EARS2: variants seen among roughly 807,000 people sequenced by gnomAD.
EARS2 encodes nondiscriminating glutamyl-tRNA synthetase EARS2, mitochondrial.
EARS2 carries 50 observed loss-of-function variants against 54.1 expected under a neutral mutation model. The ratio of observed to expected loss-of-function variants is 0.92; its 90% confidence interval spans 0.74 to 1.17. EARS2 has a LOEUF of 1.17. Ranked by LOEUF, EARS2 falls within the 50% of genes most tolerant of loss-of-function variation. EARS2 has a pLI of 0.00. For missense variants in EARS2, 673 were observed against 675.0 expected (o/e 1.00, Z 0.03); for synonymous variants, 298 against 281.0 (o/e 1.06, Z -0.61).
chr16:23,527,019 G>A (rs1965240363), intron 7 of EARS2, among the ~76,000 whole-genome samples: 2 of 152,026 alleles, frequency 1.3e-5, no homozygotes, highest in African/African-American at 2.4e-5. Flanking sequence ...CTGGAATGCA[G>A]TGGTGCAATC....
chr16:23,529,911 C>G lies in EARS2; in HGVS notation c.1068-14G>C, dbSNP rs1965296568. On this transcript the variant is annotated splice_polypyrimidine_tract_variant and intron_variant, in intron 5 of 8. Coordinates refer to ENST00000449606, the MANE Select transcript of EARS2 (RefSeq NM_001083614.2). Reference sequence around the variant, plus strand: ...TGGAGGTGCAGTCTGCGGAAGAAATCAAGGGGCTGCCCTGCTGTCAACACC... The same window carrying G: ...TGGAGGTGCAGTCTGCGGAAGAAATGAAGGGGCTGCCCTGCTGTCAACACC... 6.2e-7 allele frequency: 1 copy of G among 1,613,396 alleles called. No individual in the cohort carries two copies. Among genetic ancestry groups the G allele is most frequent in the South Asian group, 1.1e-5 (1 of 91,036 alleles).
chr16:23,531,045 C>T (rs1321354367), intron 5 of EARS2, among the ~76,000 whole-genome samples: 1 of 150,830 alleles, frequency 6.6e-6, no homozygotes, highest in Admixed American at 6.6e-5. Context: ...GCGCCCGCCA[C>T]GTCGGGCTGA....
chr16:23,551,050 T>C (rs1965686971), intron 2 of EARS2, among the ~76,000 whole-genome samples: 1 of 152,190 alleles, frequency 6.6e-6, no homozygotes, highest in Non-Finnish European at 1.5e-5. Context: ...TACAACATGG[T>C]TAAAAAAAAT....
In EARS2 at chr16:23,531,329, CG is replaced by C. The variant is rs557472957; in HGVS notation, c.1067+1327del. On this transcript the variant is annotated intron_variant, in intron 5 of 8. Transcript: ENST00000449606. ...AGGCTGGAGTGCAGTGGAGCGATCT[CG>C]GCTCACTGCAAGCTCCGCCTCCTGG... Among the ~76,000 whole-genome samples the C allele has an allele frequency of 1.2e-4, 18 of 151,902 alleles. No homozygotes were observed. The East Asian group carries it at 3.3e-3, about 28-fold the overall frequency.
intron 3 of EARS2, among the ~76,000 whole-genome samples, chr16:23,537,784 CTTTTT>C (rs1263730948): frequency 2.0e-5 from 3 of 146,680 alleles, no homozygotes; most frequent in Non-Finnish European, 4.5e-5. Flanking sequence ...CTTTTCTTTT[CTTTTT>C]CTTTCTTTTT....
At chr16:23,552,998 T>C in intron 1 of EARS2, 1 of 360,778 alleles carries the variant, frequency 2.8e-6, no homozygotes, top group Non-Finnish European at 5.5e-6. Context: ...TAGCTGGGCA[T>C]GGTGGTACAT....
chr16:23,524,464 A>C lies in EARS2; in HGVS notation c.1489-10T>G. 1 of 1,613,052 alleles carries C rather than the reference A, an allele frequency of 6.2e-7. No homozygotes were observed. The highest frequency in any genetic ancestry group is 1.1e-5 in the South Asian group (1 of 91,066). On this transcript the variant is annotated splice_polypyrimidine_tract_variant and intron_variant, in intron 8 of 8. Transcript: ENST00000449606. ...CTACAGGAGGTCCTTGCTAAGAACA[A>C]AAAGAGCAAATATTGCCTTACTACC...
intron 8 of EARS2, among the ~76,000 whole-genome samples, 171 bp from the exon 9 acceptor site, chr16:23,524,625 G>C (rs1302863973): frequency 1.4e-5 from 2 of 147,304 alleles, no homozygotes; most frequent in African/African-American, 5.0e-5. Context: ...CTAAGAGCCT[G>C]TTTCTCCTCC....
At chr16:23,533,587 A>AG (rs756258616) in intron 4 of EARS2, among the ~76,000 whole-genome samples, 2 of 152,256 alleles carry the variant, frequency 1.3e-5, no homozygotes, top group Non-Finnish European at 1.5e-5. Flanking sequence ...CCATCATTAA[A>AG]GAAAAAAAGG....
In EARS2 at chr16:23,535,261, C is replaced by T. The variant is rs1344535278; in HGVS notation, c.585G>A (p.Val195=). The T allele has an allele frequency of 2.5e-6, 4 of 1,611,124 alleles. No individual in the cohort carries two copies. Among genetic ancestry groups the T allele is most frequent in the Admixed American group, 3.3e-5 (2 of 59,998 alleles). Residue 195 remains valine (V), a synonymous_variant, in exon 4 of 9, where the codon GTG becomes GTA. Transcript: ENST00000449606. ...CATAGACCAGGTCCTGGAAGGCTGG[C>T]ACCACCTGCTCCAGGCGGAAGCGGA... ...PAIRFRLEQV[V]PAFQDLVYGW... is the part of the protein sequence containing the mutation.
intron 1 of EARS2, chr16:23,556,841 G>A: frequency 2.0e-6 from 1 of 510,018 alleles, no homozygotes; most frequent in Non-Finnish European, 3.7e-6. Flanking sequence ...TTTTATAAGT[G>A]TCTGCGGCAG....
At chr16:23,549,878 A>T (rs2142192412) in intron 2 of EARS2, among the ~76,000 whole-genome samples, 1 of 152,200 alleles carries the variant, frequency 6.6e-6, no homozygotes, top group Admixed American at 6.5e-5. Context: ...TGCATTGGCT[A>T]TTCTTTTTGC....
chr16:23,552,677 G>A lies in EARS2; in HGVS notation c.140-373C>T, dbSNP rs188058655. Among the ~76,000 whole-genome samples the A allele has an allele frequency of 2.6e-5, 4 of 152,344 alleles. No homozygotes were observed. The East Asian group carries it at 5.8e-4, about 22-fold the overall frequency. On this transcript the variant is annotated intron_variant, in intron 1 of 8. Transcript: ENST00000449606. ...GCTACATGTTTGTATTTTTGGTAGA[G>A]ACAGGCATTCGCCATGTTGGCAAGG...
chr16:23,538,802 G>T (rs942921886), intron 3 of EARS2, among the ~76,000 whole-genome samples: 1 of 152,024 alleles, frequency 6.6e-6, no homozygotes, highest in Admixed American at 6.6e-5. Context: ...CAAGGCTGTG[G>T]TGAGTCATGA....
At chr16:23,536,343 G>A (rs1313537103) in intron 3 of EARS2, among the ~76,000 whole-genome samples, 5 of 152,170 alleles carry the variant, frequency 3.3e-5, no homozygotes, top group African/African-American at 7.2e-5. Context: ...AGTTGCTCAC[G>A]TCTGTAATCC....
intron 1 of EARS2, chr16:23,556,883 C>T: frequency 3.4e-6 from 2 of 590,372 alleles, no homozygotes; most frequent in Admixed American, 2.1e-5. Context: ...CAGAGCAAGG[C>T]CCCTACCTTT....
At chr16:23,550,379 A>G (rs1965674028) in intron 2 of EARS2, among the ~76,000 whole-genome samples, 1 of 151,746 alleles carries the variant, frequency 6.6e-6, no homozygotes, top group Non-Finnish European at 1.5e-5. Context: ...AAAAAAAAAA[A>G]AAAAGAAATA....
intron 2 of EARS2, among the ~76,000 whole-genome samples, chr16:23,549,312 C>G (rs887172868): frequency 6.6e-6 from 1 of 152,132 alleles, no homozygotes; most frequent in Admixed American, 6.6e-5. Flanking sequence ...GATGCCAGCA[C>G]CCAACACAGA....
At chr16:23,549,652 C>A (rs1965661217) in intron 2 of EARS2, among the ~76,000 whole-genome samples, 1 of 152,142 alleles carries the variant, frequency 6.6e-6, no homozygotes, top group Non-Finnish European at 1.5e-5. Context: ...GATGAGGTCT[C>A]ACTATGTGGC....
Sources: allele counts gnomAD v4.1 joint callset (sites outside exome capture counted in the v4.1 genomes callset), GRCh38; gene constraint gnomAD v4.1.1; transcripts MANE v1.5; gene names NCBI Gene and HGNC (gene_info 2026-07-23, HGNC 2026-07-21).